The following DLGAP2 variants were observed in gnomAD, a reference collection of about 807,000 sequenced individuals.
DLGAP2 encodes DLG associated protein 2, also known as disks large-associated protein 2.
DLGAP2 carries 26 observed loss-of-function variants against 100.3 expected under a neutral mutation model. That is an observed-to-expected ratio of 0.26 (90% confidence interval 0.19 to 0.36). The LOEUF is 0.36. Ranked by LOEUF, DLGAP2 falls within the 10% of genes least tolerant of loss-of-function variation. DLGAP2 has a pLI of 1.00. For missense variants in DLGAP2, 1,858 were observed against 1,453.2 expected (o/e 1.28, Z -4.53); for synonymous variants, 886 against 630.1 (o/e 1.41, Z -6.08).
At chr8:1,314,974 C>G (rs965679264) in intron 3 of DLGAP2, among the ~76,000 whole-genome samples, 5 of 152,224 alleles carry the variant, frequency 3.3e-5, no homozygotes, top group African/African-American at 1.2e-4. Context: ...TGACCTATCC[C>G]AGCAGTTCTA....
intron 2 of DLGAP2, among the ~76,000 whole-genome samples, chr8:1,170,991 G>C (rs557418469): frequency 2.9e-4 from 44 of 151,308 alleles, no homozygotes; most frequent in East Asian, 1.6e-3. Context: ...GTCAATTTTG[G>C]ATCTTTCCTG....
intron 3 of DLGAP2, among the ~76,000 whole-genome samples, chr8:1,276,324 T>C (rs910759016): frequency 2.0e-5 from 3 of 151,964 alleles, no homozygotes; most frequent in African/African-American, 4.8e-5. Context: ...CATTAGTGTC[T>C]TGGACTGACA....
intron 3 of DLGAP2, among the ~76,000 whole-genome samples, chr8:1,304,270 C>T (rs948222623): frequency 5.9e-5 from 9 of 152,302 alleles, no homozygotes; most frequent in South Asian, 2.1e-4. Flanking sequence ...CACAGGACAC[C>T]GGCCACCGTG....
At chr8:1,596,558 C>T (rs758385727) in intron 6 of DLGAP2, among the ~76,000 whole-genome samples, 2 of 152,082 alleles carry the variant, frequency 1.3e-5, no homozygotes, top group Non-Finnish European at 2.9e-5. Flanking sequence ...TTTTAATGAT[C>T]GTCATTCTAA....
At chr8:1,355,767 C>T (rs1801834274) in intron 3 of DLGAP2, among the ~76,000 whole-genome samples, 1 of 152,174 alleles carries the variant, frequency 6.6e-6, no homozygotes, top group Admixed American at 6.5e-5. Flanking sequence ...AAGTGCCCCA[C>T]AGCTGTGTGG....
At chr8:1,279,549 G>A (rs894514379) in intron 3 of DLGAP2, among the ~76,000 whole-genome samples, 4 of 152,174 alleles carry the variant, frequency 2.6e-5, no homozygotes, top group African/African-American at 4.8e-5. Flanking sequence ...ATAGACTACC[G>A]TAAGCTTAGC....
chr8:1,697,754 T>A (rs1437642049), intron 14 of DLGAP2, among the ~76,000 whole-genome samples: 1 of 152,228 alleles, frequency 6.6e-6, no homozygotes, highest in Non-Finnish European at 1.5e-5. Flanking sequence ...ATGGCCACTA[T>A]AGGCAAGGCG....
intron 2 of DLGAP2, among the ~76,000 whole-genome samples, chr8:1,122,585 AT>A (rs1796073905): frequency 6.6e-6 from 1 of 152,004 alleles, no homozygotes; most frequent in African/African-American, 2.4e-5. Context: ...ATTTATGTAC[AT>A]TTTTCCTGCT....
intron 2 of DLGAP2, among the ~76,000 whole-genome samples, chr8:1,219,698 C>G (rs750125269): frequency 3.3e-5 from 5 of 152,056 alleles, no homozygotes; most frequent in Non-Finnish European, 7.4e-5. Flanking sequence ...TGTACCAGCT[C>G]TTTCTTTTAT....
chr8:776,028 T>G (rs1821506094), intron 1 of DLGAP2, among the ~76,000 whole-genome samples: 2 of 152,134 alleles, frequency 1.3e-5, no homozygotes, highest in South Asian at 2.1e-4. Flanking sequence ...CAATTTCAGA[T>G]CCTGTTATTG....
chr8:1,226,459 A>G (rs1295762320), intron 2 of DLGAP2, among the ~76,000 whole-genome samples: 1 of 152,104 alleles, frequency 6.6e-6, no homozygotes, highest in Non-Finnish European at 1.5e-5. Flanking sequence ...AACAACACAC[A>G]CAGGGGCCTG....
At chr8:1,689,761 C>G (rs1799209834) in intron 12 of DLGAP2, among the ~76,000 whole-genome samples, 1 of 152,124 alleles carries the variant, frequency 6.6e-6, no homozygotes, top group African/African-American at 2.4e-5. Context: ...GATGGGGAGA[C>G]GTGGTGTGAA....
At chr8:1,170,815 G>C (rs4387001) in intron 2 of DLGAP2, among the ~76,000 whole-genome samples, 1 of 141,398 alleles carries the variant, frequency 7.1e-6, no homozygotes, top group Admixed American at 7.4e-5. Flanking sequence ...TCAATTTTGT[G>C]GATCCTTTCA....
chr8:1,212,908 G>A (rs536152277), intron 2 of DLGAP2, among the ~76,000 whole-genome samples: 5 of 151,832 alleles, frequency 3.3e-5, no homozygotes, highest in Admixed American at 6.6e-5. Flanking sequence ...ATTTATAAAC[G>A]TTGGAAAATT....
intron 1 of DLGAP2, among the ~76,000 whole-genome samples, chr8:789,552 C>G (rs1046932385): frequency 3.3e-5 from 5 of 152,184 alleles, no homozygotes; most frequent in Non-Finnish European, 4.4e-5. Context: ...TATGAATTGT[C>G]TTTTGCAGAA....
intron 3 of DLGAP2, among the ~76,000 whole-genome samples, chr8:1,464,905 G>C (rs919148878): frequency 6.7e-6 from 1 of 148,938 alleles, no homozygotes; most frequent in Non-Finnish European, 1.5e-5. Flanking sequence ...AAAAAAAGTA[G>C]TATCTGAGTA....
chr8:835,809 T>G (rs1796862680), intron 1 of DLGAP2, among the ~76,000 whole-genome samples: 1 of 152,158 alleles, frequency 6.6e-6, no homozygotes, highest in Admixed American at 6.5e-5. Context: ...GTTAATGCTT[T>G]CTCCCCGTAC....
chr8:1,198,781 TCCCTCGGGAGTGAG>T (rs1797807826), intron 2 of DLGAP2, among the ~76,000 whole-genome samples: 1 of 152,188 alleles, frequency 6.6e-6, no homozygotes, highest in South Asian at 2.1e-4. Flanking sequence ...GCTTCCCCTT[TCCCTCGGGAGTGAG>T]CCCTACAGCA....
At chr8:1,524,520 A>C (rs577826384) in intron 4 of DLGAP2, among the ~76,000 whole-genome samples, 56 of 152,206 alleles carry the variant, frequency 3.7e-4, no homozygotes, top group African/African-American at 1.3e-3. Flanking sequence ...TTCAAGACCA[A>C]GGTATGGCAG....
Sources: allele counts gnomAD v4.1 joint callset (sites outside exome capture counted in the v4.1 genomes callset), GRCh38; gene constraint gnomAD v4.1.1; transcripts MANE v1.5; gene names NCBI Gene and HGNC (gene_info 2026-07-23, HGNC 2026-07-21).